DPEP1: variants seen among roughly 807,000 people sequenced by gnomAD.
The protein encoded by DPEP1 is dipeptidase 1, also known as beta-lactamase.
DPEP1 carries 50 observed loss-of-function variants against 42.3 expected under a neutral mutation model. That is an observed-to-expected ratio of 1.18 (90% confidence interval 0.94 to 1.50). The LOEUF is 1.50. DPEP1 is among the 40% of genes most tolerant of loss of function. DPEP1 has a pLI of 0.00. For synonymous variants in DPEP1, 297 were observed against 234.0 expected (o/e 1.27, Z -2.46); for missense variants, 663 against 553.0 (o/e 1.20, Z -1.99).
chr16:89,637,064 C>T (rs2059690576), intron 6 of DPEP1, 129 bp downstream of exon 6: 1 of 1,521,608 alleles, frequency 6.6e-7, no homozygotes, highest in Non-Finnish European at 8.8e-7. Flanking sequence ...GGCAGCCATC[C>T]CCCCAGGGTG....
At position 89,634,555 on chromosome 16, in the gene DPEP1, CTCCTTTCCCTTCCTTCT is replaced by C. The variant is rs1360905333; in HGVS notation, c.105-1352_105-1336del. The stretch of plus-strand genomic sequence containing the variant: ...CCTTCCTTCTCCTTTCCCCTTCCTT[CTCCTTTCCCTTCCTTCT>C]CCTTTCCCCTTCCTTCTCCTTTCCC... On this transcript the variant is annotated intron_variant, in intron 2 of 10. Coordinates refer to ENST00000690203, the MANE Select transcript of DPEP1 (RefSeq NM_001389466.1). Among the ~76,000 whole-genome samples the C allele has an allele frequency of 4.7e-3, 93 of 19,808 alleles. 1 individual carries two copies. The highest frequency in any genetic ancestry group is 0.012 in the Non-Finnish European group (64 of 5,230). The allele number at this position is 19,808 out of a possible 152,430, so 13.0% of individuals were successfully genotyped here.
At chr16:89,641,002 G>A (rs973256792), downstream of DPEP1, among the ~76,000 whole-genome samples, 1 of 152,198 alleles carries the variant, frequency 6.6e-6, no homozygotes, top group African/African-American at 2.4e-5. Context: ...CTGGACAGGG[G>A]GCCCTTCCCT....
intron 1 of DPEP1, 163 bp from the exon 2 acceptor site, chr16:89,630,142 G>C (rs778603511): frequency 3.4e-6 from 1 of 297,604 alleles, no homozygotes; most frequent in Non-Finnish European, 6.4e-6. Context: ...CTATGCCTCC[G>C]CCTAGCCCAG....
At chr16:89,633,660 C>G (rs2059618426) in intron 2 of DPEP1, among the ~76,000 whole-genome samples, 1 of 152,218 alleles carries the variant, frequency 6.6e-6, no homozygotes. Context: ...AACTGAGACA[C>G]AGAGGGAGCT....
At chr16:89,640,204 GC>G (rs963293100), downstream of DPEP1, among the ~76,000 whole-genome samples, 1 of 152,214 alleles carries the variant, frequency 6.6e-6, no homozygotes, top group African/African-American at 2.4e-5. Flanking sequence ...CCCCCACGCT[GC>G]TGCTGCCCCA....
At chr16:89,638,467 G>C (rs1421005264), downstream of DPEP1, 1 of 1,302,856 alleles carries the variant, frequency 7.7e-7, no homozygotes, top group East Asian at 3.0e-5. Context: ...TCCGGCTCAG[G>C]AGGTGGGGTG....
At chr16:89,637,427 C>T (rs763179288) in intron 7 of DPEP1, 41 bp from the exon 8 acceptor site, 2 of 1,612,776 alleles carry the variant, frequency 1.2e-6, no homozygotes, top group Admixed American at 1.7e-5. Context: ...TGGGCAGGCC[C>T]TCCCAGCTCT....
Position 89,630,461 on chromosome 16 carries a change from C to T in DPEP1, c.51C>T (p.Asp17=). The change falls in exon 2 of 11, where the codon GAC becomes GAT. Residue 17 remains aspartate, a synonymous_variant. Coordinates refer to ENST00000690203, the MANE Select transcript of DPEP1 (RefSeq NM_001389466.1). ...CCCTTGTGGCCGTCTGCACTGCAGA[C>T]TTCTTTCGGGACGAGGCAGAGAGGA... is the stretch of plus-strand genomic sequence containing the variant. The part of the protein sequence containing the change: ...LWPLVAVCTA[D]FFRDEAERIM... 1.2e-6 allele frequency: 2 copies of T among 1,610,930 alleles called. No homozygotes were observed. The highest frequency in any genetic ancestry group is 1.7e-6 in the Non-Finnish European group (2 of 1,178,970).
At position 89,637,676 on chromosome 16, in the gene DPEP1, G is replaced by A. The variant is rs1355342365; in HGVS notation, c.898G>A (p.Gly300Ser). 15 of 1,613,018 alleles carry A rather than the reference G, an allele frequency of 9.3e-6. No homozygotes were observed. The highest frequency in any genetic ancestry group is 1.3e-5 in the Non-Finnish European group (15 of 1,180,000). ...IKEVAGARAV[G>S]FGGDFDGVPR... is the part of the protein sequence containing the mutation. Reference sequence around the variant, plus strand: ...GGAGGTGGCAGGAGCCAGAGCCGTGGGTTTTGGTGGGGACTTTGATGGTGT... The same window carrying A: ...GGAGGTGGCAGGAGCCAGAGCCGTGAGTTTTGGTGGGGACTTTGATGGTGT... The change falls in exon 9 of 11, where the codon GGT becomes AGT. Residue 300 changes from glycine (G) to serine (S), a missense_variant. Coordinates refer to ENST00000690203, the MANE Select transcript of DPEP1 (RefSeq NM_001389466.1).
intron 1 of DPEP1, chr16:89,620,897 G>GATC (rs1189066368): frequency 6.6e-6 from 1 of 152,310 alleles, no homozygotes; most frequent in Non-Finnish European, 1.5e-5. Flanking sequence ...GACTGCCTGT[G>GATC]ATCCACCGTC....
At position 89,637,570 on chromosome 16, in the gene DPEP1, G is replaced by T; in HGVS notation, c.853+18G>T. 6.2e-7 allele frequency: 1 copy of T among 1,612,836 alleles called. No homozygotes were observed. The highest frequency in any genetic ancestry group is 8.5e-7 in the Non-Finnish European group (1 of 1,179,984). ...AGTGGCCGGTAGGTGGGGTGTGAGC[G>T]GCCAAGGGGGCCGAAGGGGGAGGGC... On this transcript the variant is annotated intron_variant, in intron 8 of 10. Coordinates refer to ENST00000690203, the MANE Select transcript of DPEP1 (RefSeq NM_001389466.1).
At chr16:89,616,905 C>T (rs1314346106) in intron 1 of DPEP1, 1 of 231,636 alleles carries the variant, frequency 4.3e-6, no homozygotes, top group East Asian at 1.7e-4. Flanking sequence ...AGAGAGCGGC[C>T]AGGAAGCGGG....
In DPEP1 at chr16:89,635,956, G is replaced by A. The variant is rs776581665; in HGVS notation, c.153G>A (p.Leu51=). The A allele has an allele frequency of 1.2e-6, 2 of 1,612,034 alleles. No individual in the cohort carries two copies. Among genetic ancestry groups the A allele is most frequent in the South Asian group, 1.1e-5 (1 of 91,008 alleles). Residue 51 remains leucine, a synonymous_variant, in exon 3 of 11, where the codon CTG becomes CTA. Coordinates refer to ENST00000690203, the MANE Select transcript of DPEP1 (RefSeq NM_001389466.1). ...WQLLDMFNNR[L]QDERANLTTL... ...TGCTGGATATGTTCAACAACCGGCT[G>A]CAGGACGAGAGGGCCAACCTGACCA...
rs146407900 is a variant in DPEP1, at chr16:89,637,633, C to G, written c.855C>G (p.Asp285Glu). Residue 285 changes from aspartate (D) to glutamate (E), a missense_variant and splice_region_variant, in exon 9 of 11, where the codon GAC becomes GAG. Transcript: ENST00000690203. The stretch of plus-strand genomic sequence containing the variant: ...CCATACCTGCTGCTCCCTGGACAGA[C>G]CATCTGGATCACATCAAGGAGGTGG... ...TNKANLSQVA[D>E]HLDHIKEVAG... is the part of the protein sequence containing the mutation. The G allele has an allele frequency of 6.2e-7, 1 of 1,612,926 alleles. No individual in the cohort carries two copies. Among genetic ancestry groups the G allele is most frequent in the African/African-American group, 1.3e-5 (1 of 75,058 alleles).
At position 89,635,989 on chromosome 16, in the gene DPEP1, C is replaced by G. The variant is rs200795703; in HGVS notation, c.186C>G (p.Ala62=). 1.9e-6 allele frequency: 3 copies of G among 1,612,290 alleles called. No individual in the cohort carries two copies. Among genetic ancestry groups the G allele is most frequent in the Non-Finnish European group, 2.5e-6 (3 of 1,179,742 alleles). ...QDERANLTTL[A]GTHTNIPKLR... ...AGAGGGCCAACCTGACCACCTTGGC[C>G]GGCACACACACCAACATCCCCAAGC... The change falls in exon 3 of 11, where the codon GCC becomes GCG. Residue 62 remains alanine (A), a synonymous_variant. Transcript: ENST00000690203.
chr16:89,624,638 G>T (rs934700912), intron 1 of DPEP1, among the ~76,000 whole-genome samples: 2 of 151,934 alleles, frequency 1.3e-5, no homozygotes, highest in South Asian at 4.1e-4. Context: ...AGGTTCAAGC[G>T]ATTCTCCAGC....
intron 2 of DPEP1, among the ~76,000 whole-genome samples, chr16:89,632,380 C>G (rs1051748502): frequency 6.6e-6 from 1 of 152,144 alleles, no homozygotes; most frequent in African/African-American, 2.4e-5. Flanking sequence ...GAAGCTGTTA[C>G]GGGACCCACC....
downstream of DPEP1, chr16:89,638,473 G>A: frequency 7.7e-7 from 1 of 1,303,016 alleles, no homozygotes; most frequent in South Asian, 2.3e-5. Flanking sequence ...TCAGGAGGTG[G>A]GGTGTTTTGT....
At chr16:89,638,771 ACACACCCCACCCCTGCACG>A (rs2059717416), downstream of DPEP1, among the ~76,000 whole-genome samples, 1 of 83,658 alleles carries the variant, frequency 1.2e-5, no homozygotes, top group Non-Finnish European at 2.4e-5. Flanking sequence ...CCCTGCACGC[ACACACCCCACCCCTGCACG>A]CACACCCCCC....
Sources: gnomAD v4.1 joint callset for allele counts (sites outside exome capture counted in the v4.1 genomes callset) on GRCh38, gnomAD v4.1.1 for gene constraint, MANE v1.5 for transcripts, NCBI Gene and HGNC (gene_info 2026-07-23, HGNC 2026-07-21) for gene names.